The following IQSEC1 variants were observed in gnomAD, a reference collection of about 807,000 sequenced individuals.
IQSEC1 encodes the protein IQ motif and Sec7 domain ArfGEF 1, also known as IQ motif and SEC7 domain-containing protein 1.
In IQSEC1, 31 loss-of-function variants were observed where a neutral mutation model predicts 91.0. The ratio of observed to expected loss-of-function variants is 0.34; its 90% CI spans 0.26 to 0.46. IQSEC1 has a LOEUF of 0.46. Ranked by LOEUF, IQSEC1 falls within the 20% of genes least tolerant of loss-of-function variation. The pLI, the probability that IQSEC1 is intolerant of heterozygous loss-of-function variation, is 1.00. For synonymous variants in IQSEC1, 699 were observed against 662.6 expected (o/e 1.05, Z -0.84); for missense variants, 1,388 against 1,575.6 (o/e 0.88, Z 2.02).
At chr3:13,092,703 C>G (rs1576246233) in intron 2 of IQSEC1, among the ~76,000 whole-genome samples, 1 of 152,162 alleles carries the variant, frequency 6.6e-6, no homozygotes, top group Non-Finnish European at 1.5e-5. Context: ...ATGGTGTCTC[C>G]TCTATCAACC....
intron 1 of IQSEC1, among the ~76,000 whole-genome samples, chr3:12,978,532 A>G (rs1305688730): frequency 6.6e-6 from 1 of 151,868 alleles, no homozygotes; most frequent in East Asian, 1.9e-4. Flanking sequence ...CCCCGTCTCT[A>G]CTAAAATAAA....
chr3:13,217,883 T>A (rs1217304758), intron 1 of IQSEC1, among the ~76,000 whole-genome samples: 1 of 152,176 alleles, frequency 6.6e-6, no homozygotes, highest in East Asian at 1.9e-4. Context: ...AGCTGATCCC[T>A]GAAAGAGGCC....
intron 1 of IQSEC1, among the ~76,000 whole-genome samples, chr3:13,038,278 A>ATATATATC (rs1704118038): frequency 1.4e-5 from 2 of 140,966 alleles, no homozygotes; most frequent in Non-Finnish European, 3.1e-5. Flanking sequence ...ATATATATAT[A>ATATATATC]TATATATATA....
intron 1 of IQSEC1, chr3:13,021,990 C>A (rs1196407711): frequency 5.0e-5 from 60 of 1,198,810 alleles, no homozygotes; most frequent in Non-Finnish European, 6.3e-5. Flanking sequence ...TCCGGCCCAA[C>A]AGTCGACAGC....
intron 2 of IQSEC1, among the ~76,000 whole-genome samples, chr3:12,939,948 GCACC>G (rs1698598785): frequency 1.3e-5 from 2 of 152,216 alleles, no homozygotes; most frequent in South Asian, 4.1e-4. Context: ...TTGGTCATGG[GCACC>G]CAACACAGTG....
chr3:13,165,760 C>T (rs776368003), intron 1 of IQSEC1, among the ~76,000 whole-genome samples: 3 of 152,006 alleles, frequency 2.0e-5, no homozygotes. Flanking sequence ...CAGCCCCAGG[C>T]AACATCATGA....
At chr3:13,142,118 C>CA (rs1343251413) in intron 2 of IQSEC1, among the ~76,000 whole-genome samples, 1 of 152,248 alleles carries the variant, frequency 6.6e-6, no homozygotes, top group Non-Finnish European at 1.5e-5. Flanking sequence ...TCATCCCCTC[C>CA]ATGGGTGCCT....
At chr3:13,001,501 T>TGGAA (rs1702422968) in intron 1 of IQSEC1, among the ~76,000 whole-genome samples, 1 of 152,198 alleles carries the variant, frequency 6.6e-6, no homozygotes, top group Non-Finnish European at 1.5e-5. Flanking sequence ...GCTGCTACAC[T>TGGAA]GGAAGGTCCT....
chr3:12,934,128 C>T (rs1697952039), intron 3 of IQSEC1, among the ~76,000 whole-genome samples: 1 of 152,204 alleles, frequency 6.6e-6, no homozygotes, highest in Non-Finnish European at 1.5e-5. Flanking sequence ...CCTCCCCTGT[C>T]CAGCGCATTG....
intron 1 of IQSEC1, among the ~76,000 whole-genome samples, chr3:13,017,704 GA>G (rs1415943721): frequency 6.6e-6 from 1 of 152,192 alleles, no homozygotes; most frequent in African/African-American, 2.4e-5. Context: ...GATGCAGGGA[GA>G]GGGGGCGGCA....
intron 1 of IQSEC1, among the ~76,000 whole-genome samples, chr3:13,234,704 T>C (rs1053341232): frequency 6.6e-6 from 1 of 152,052 alleles, no homozygotes; most frequent in African/African-American, 2.4e-5. Flanking sequence ...ACACACAAGA[T>C]CGGATTTTCT....
At chr3:13,263,439 GA>G (rs374109439) in intron 1 of IQSEC1, among the ~76,000 whole-genome samples, 9 of 107,188 alleles carry the variant, frequency 8.4e-5, no homozygotes, top group Admixed American at 2.3e-4. Context: ...GGGGGGGGGG[GA>G]AAGTACCTGA....
chr3:13,149,293 GAC>G lies in IQSEC1; in HGVS notation c.302+14809_302+14810del, dbSNP rs113226988. ...CAGGCTTGCCCAAGGCCACACAGAG[GAC>G]AGAGCCTGGGTCCGCAGGATTTGAA... On this transcript the variant is annotated intron_variant, in intron 2 of 15. Transcript: ENST00000648114. Among the ~76,000 whole-genome samples, 1,462 of 152,254 alleles carry G rather than the reference GAC, an allele frequency of 9.6e-3. 26 individuals carry two copies. The highest frequency in any genetic ancestry group is 0.034 in the African/African-American group (1,392 of 41,536).
chr3:13,079,635 G>A (rs1252091141), intron 2 of IQSEC1, among the ~76,000 whole-genome samples: 1 of 152,200 alleles, frequency 6.6e-6, no homozygotes, highest in East Asian at 1.9e-4. Context: ...CCATGGGGAG[G>A]AGCCTGCATG....
intron 2 of IQSEC1, among the ~76,000 whole-genome samples, chr3:13,087,725 G>A (rs1705762057): frequency 1.3e-5 from 2 of 152,192 alleles, no homozygotes; most frequent in Non-Finnish European, 2.9e-5. Flanking sequence ...AGTTATAAAT[G>A]TATTACTCAC....
At chr3:13,035,265 C>T (rs1393008402) in intron 1 of IQSEC1, among the ~76,000 whole-genome samples, 1 of 152,144 alleles carries the variant, frequency 6.6e-6, no homozygotes, top group African/African-American at 2.4e-5. Flanking sequence ...TCCCTTTTTG[C>T]TGTAGTTGGC....
At chr3:13,050,006 C>T (rs113036188) in intron 1 of IQSEC1, among the ~76,000 whole-genome samples, 15 of 152,114 alleles carry the variant, frequency 9.9e-5, no homozygotes, top group Non-Finnish European at 2.1e-4. Context: ...CCACAGCAGG[C>T]AGTGGCCCCT....
rs763391103 is a variant in IQSEC1, at chr3:12,941,695, G to A, written c.194C>T (p.Thr65Met). The part of the protein sequence containing the change: ...YSGPPGQQQR[T>M]RRPKLQHSTS... The stretch of plus-strand genomic sequence containing the variant: ...CGAGTGCTGCAGCTTGGGCCTCCGC[G>A]TGCGCTGCTGTTGCCCCGGCGGCCC... The change falls in exon 2 of 14, where the codon ACG (threonine) becomes ATG (methionine). Residue 65 changes from threonine (T) to methionine (M), a missense_variant. This residue lies in a region of IQSEC1 where 1,059 missense variants were observed against 1,317.8 expected (regional missense o/e 0.80). Transcript: ENST00000613206. The A allele has an allele frequency of 1.4e-5, 23 of 1,612,688 alleles. No individual in the cohort carries two copies. Among genetic ancestry groups the A allele is most frequent in the Admixed American group, 3.3e-5 (2 of 59,984 alleles).
At chr3:13,121,768 C>T (rs1015555181) in intron 2 of IQSEC1, among the ~76,000 whole-genome samples, 2 of 152,318 alleles carry the variant, frequency 1.3e-5, no homozygotes, top group South Asian at 2.1e-4. Context: ...GCTCCATGGT[C>T]GCTGGAGCAA....
Sources: allele counts gnomAD v4.1 joint callset (sites outside exome capture counted in the v4.1 genomes callset), GRCh38; gene constraint gnomAD v4.1.1; regional missense constraint gnomAD v4.1.1; transcripts MANE v1.5; gene names NCBI Gene and HGNC (gene_info 2026-07-23, HGNC 2026-07-21).